Variants in LRP1B observed in about 807,000 individuals in gnomAD.
LRP1B encodes LDL receptor related protein 1B.
A neutral mutation model predicts 556.6 loss-of-function variants in LRP1B; 217 were observed. The ratio of observed to expected loss-of-function variants is 0.39; its 90% CI spans 0.35 to 0.44. LRP1B has a LOEUF of 0.44. LRP1B is among the 20% of genes least tolerant of loss of function. The pLI, the probability that LRP1B is intolerant of heterozygous loss-of-function variation, is 1.00. For synonymous variants in LRP1B, 2,047 were observed against 1,865.8 expected (o/e 1.10, Z -2.50); for missense variants, 5,053 against 5,620.8 (o/e 0.90, Z 3.23).
At chr2:141,837,688 T>C in intron 1 of LRP1B, among the ~76,000 whole-genome samples, 1 of 152,082 alleles carries the variant, frequency 6.6e-6, no homozygotes, top group Admixed American at 6.6e-5. Context: ...TCTAATGCCA[T>C]GTGTAGTACA....
chr2:140,435,640 T>C (rs1248742804), intron 66 of LRP1B, among the ~76,000 whole-genome samples: 3 of 148,472 alleles, frequency 2.0e-5, no homozygotes, highest in Non-Finnish European at 3.0e-5. Flanking sequence ...AAAATTTAAA[T>C]CTCACAGTTT....
In LRP1B at chr2:140,285,857, T is replaced by A. The variant is rs1001718718; in HGVS notation, c.12968-11259A>T. On this transcript the variant is annotated intron_variant, in intron 84 of 90. Coordinates refer to ENST00000389484, the MANE Select transcript of LRP1B (RefSeq NM_018557.3). ...AGGGATTCAGTCATTACTCTTTCAT[T>A]GTGTATAGTGTACATGAAGATAGTG... Among the ~76,000 whole-genome samples the A allele has an allele frequency of 2.3e-3, 7 of 3,004 alleles. No homozygotes were observed. The Admixed American group carries it at 0.095, about 41-fold the overall frequency. The allele number at this position is 3,004 out of a possible 152,430, so 2.0% of individuals were successfully genotyped here.
Position 141,562,450 on chromosome 2 carries a change from C to A in LRP1B, c.206-81917G>T, listed in dbSNP as rs150005136. Among the ~76,000 whole-genome samples, 1,442 of 152,108 alleles carry A rather than the reference C, an allele frequency of 9.5e-3. 19 individuals carry two copies. The highest frequency in any genetic ancestry group is 0.014 in the Non-Finnish European group (979 of 67,926). On this transcript the variant is annotated intron_variant, in intron 2 of 90. Transcript: ENST00000389484. ...ATTAATTTACTATTACTCCCCACTACTGACCTCTACTACACGTTCATGATT... is the reference window on the plus strand; with the variant it reads ...ATTAATTTACTATTACTCCCCACTAATGACCTCTACTACACGTTCATGATT...
chr2:141,480,697 T>A (rs1398704809), intron 2 of LRP1B, 164 bp from the exon 3 acceptor site: 1 of 706,272 alleles, frequency 1.4e-6, no homozygotes, highest in Non-Finnish European at 2.5e-6. Context: ...CCTATGTGAT[T>A]AAACACCTAA....
intron 41 of LRP1B, among the ~76,000 whole-genome samples, chr2:140,652,794 T>A (rs934328714): frequency 1.3e-5 from 2 of 152,016 alleles, no homozygotes; most frequent in Non-Finnish European, 2.9e-5. Flanking sequence ...AATCCATCAG[T>A]GTATCTTGAT....
chr2:141,309,388 T>TTTGATGC (rs1365028125), intron 3 of LRP1B, among the ~76,000 whole-genome samples: 1 of 152,238 alleles, frequency 6.6e-6, no homozygotes, highest in Non-Finnish European at 1.5e-5. Flanking sequence ...AGTGGATATG[T>TTTGATGC]TTGATGCTAT....
intron 2 of LRP1B, among the ~76,000 whole-genome samples, chr2:141,528,926 T>A (rs551488719): frequency 1.3e-5 from 2 of 152,348 alleles, no homozygotes; most frequent in Middle Eastern, 6.8e-3. Flanking sequence ...CAATTCTAAC[T>A]GCATTTTGTT....
intron 7 of LRP1B, among the ~76,000 whole-genome samples, chr2:141,063,004 T>G (rs1558834559): frequency 6.6e-6 from 1 of 151,900 alleles, no homozygotes; most frequent in Non-Finnish European, 1.5e-5. Context: ...TGTCAAAGTT[T>G]AAAATGTAAC....
rs182477210 is a variant in LRP1B at position 140,478,815 on chromosome 2, T to C, written c.9426-3478A>G. Among the ~76,000 whole-genome samples the C allele has an allele frequency of 5.6e-4, 85 of 152,104 alleles. 1 individual carries two copies. The East Asian group carries it at 0.014, about 25-fold the overall frequency. On this transcript the variant is annotated intron_variant, in intron 59 of 90. Coordinates refer to ENST00000389484, the MANE Select transcript of LRP1B (RefSeq NM_018557.3). ...TGTGAGTATTAAATGAGAGAATATA[T>C]GAAACAAACGTAGAACATTGATAAG...
At chr2:141,112,069 A>AATAC (rs374797625) in intron 7 of LRP1B, among the ~76,000 whole-genome samples, 22 of 80,326 alleles carry the variant, frequency 2.7e-4, no homozygotes, top group East Asian at 2.2e-3. Context: ...TAAATAAATA[A>AATAC]ATAATAAATA....
intron 86 of LRP1B, among the ~76,000 whole-genome samples, chr2:140,263,192 T>C (rs2104930334): frequency 6.6e-6 from 1 of 152,200 alleles, no homozygotes; most frequent in Non-Finnish European, 1.5e-5. Flanking sequence ...GTGCTGGGGT[T>C]ACAGGCATGA....
intron 41 of LRP1B, among the ~76,000 whole-genome samples, chr2:140,639,038 T>G (rs538029069): frequency 3.9e-5 from 6 of 152,104 alleles, no homozygotes; most frequent in Non-Finnish European, 5.9e-5. Flanking sequence ...TCCCAAGCTG[T>G]GAAGGCCAGA....
intron 2 of LRP1B, among the ~76,000 whole-genome samples, chr2:141,723,972 A>G (rs1692937096): frequency 1.3e-5 from 2 of 151,910 alleles, no homozygotes; most frequent in African/African-American, 4.8e-5. Flanking sequence ...GTTTCCAGTT[A>G]TGGCTAATCC....
At position 141,464,606 on chromosome 2, in the gene LRP1B, A is replaced by ATTTTTTTTTTTTT. The variant is rs71391651; in HGVS notation, c.343+15789_343+15790insAAAAAAAAAAAAA. Among the ~76,000 whole-genome samples the ATTTTTTTTTTTTT allele has an allele frequency of 1.4e-4, 13 of 90,540 alleles. 2 individuals are homozygous for ATTTTTTTTTTTTT. The highest frequency in any genetic ancestry group is 5.1e-4 in the African/African-American group (12 of 23,370). The allele number at this position is 90,540 out of a possible 152,430, so 59.4% of individuals were successfully genotyped here. ...TTTGTATATATATATATATATATAT[A>ATTTTTTTTTTTTT]TTTTTTTAGTAGAGATGGGGTTTCA... On this transcript the variant is annotated intron_variant, in intron 3 of 90. Coordinates refer to ENST00000389484, the MANE Select transcript of LRP1B (RefSeq NM_018557.3).
intron 13 of LRP1B, among the ~76,000 whole-genome samples, chr2:141,014,673 A>T (rs1394295517): frequency 2.0e-5 from 3 of 152,048 alleles, no homozygotes; most frequent in Non-Finnish European, 4.4e-5. Flanking sequence ...AATAATTGAC[A>T]TGGTTTCTTA....
At chr2:142,065,397 G>C (rs577936252) in intron 1 of LRP1B, among the ~76,000 whole-genome samples, 21 of 150,768 alleles carry the variant, frequency 1.4e-4, no homozygotes, top group Non-Finnish European at 3.1e-4. Context: ...TCAAATCCAG[G>C]AATGGCTAAT....
chr2:140,557,291 G>T (rs556142632), intron 43 of LRP1B, among the ~76,000 whole-genome samples: 112 of 152,066 alleles, frequency 7.4e-4, no homozygotes, highest in African/African-American at 2.6e-3. Flanking sequence ...AAAAATTTTG[G>T]ATTATCATTA....
At chr2:141,006,115 G>A (rs771375786) in intron 14 of LRP1B, among the ~76,000 whole-genome samples, 5 of 151,942 alleles carry the variant, frequency 3.3e-5, no homozygotes, top group Non-Finnish European at 7.4e-5. Context: ...ATTCATGAAC[G>A]TATGTGAGGC....
At chr2:141,422,929 T>C (rs1461748789) in intron 3 of LRP1B, among the ~76,000 whole-genome samples, 1 of 152,184 alleles carries the variant, frequency 6.6e-6, no homozygotes. Flanking sequence ...GAGGGAATTA[T>C]TGTACTTGAT....
Sources: allele counts gnomAD v4.1 joint callset (sites outside exome capture counted in the v4.1 genomes callset), GRCh38; gene constraint gnomAD v4.1.1; transcripts MANE v1.5; gene names NCBI Gene and HGNC (gene_info 2026-07-23, HGNC 2026-07-21).